Variants in PACRG observed in about 807,000 individuals in gnomAD.
The protein encoded by PACRG is parkin coregulated gene protein.
A neutral mutation model predicts 29.7 loss-of-function variants in PACRG; 29 were observed. The observed-to-expected ratio is 0.98, with a 90% CI of 0.73 to 1.33. The LOEUF is 1.33. Ranked by LOEUF, PACRG falls within the 40% of genes most tolerant of loss-of-function variation. PACRG has a pLI of 0.00. For synonymous variants in PACRG, 116 were observed against 118.7 expected (o/e 0.98, Z 0.15); for missense variants, 279 against 316.2 (o/e 0.88, Z 0.89).
intron 4 of PACRG, among the ~76,000 whole-genome samples, chr6:163,238,900 TTCAACC>T (rs1047868124): frequency 6.6e-6 from 1 of 152,218 alleles, no homozygotes; most frequent in African/African-American, 2.4e-5. Context: ...CATCTCATGC[TTCAACC>T]TCACTTTTGG....
intron 2 of PACRG, among the ~76,000 whole-genome samples, chr6:162,955,953 C>G (rs9346941): frequency 0.58 from 88,796 of 151,928 alleles, 26,119 homozygotes; most frequent in Middle Eastern, 0.72. Context: ...CAGGTGGGAG[C>G]AGCCTGGCGA....
At chr6:163,304,015 C>CAAA (rs59861286) in intron 4 of PACRG, among the ~76,000 whole-genome samples, 1 of 76,248 alleles carries the variant, frequency 1.3e-5, no homozygotes, top group African/African-American at 5.4e-5. Flanking sequence ...GACTCCATTT[C>CAAA]AAAAAAAAAA....
intron 2 of PACRG, chr6:163,053,938 A>C (rs575099952): frequency 6.6e-6 from 1 of 152,338 alleles, no homozygotes; most frequent in Non-Finnish European, 1.5e-5. Flanking sequence ...TTGTGTGCCC[A>C]GCACTCTTCT....
chr6:163,141,194 A>G (rs1010515421), intron 4 of PACRG, among the ~76,000 whole-genome samples: 11 of 152,124 alleles, frequency 7.2e-5, no homozygotes, highest in African/African-American at 2.2e-4. Flanking sequence ...AAAAGCAACT[A>G]CCTAGAATTT....
intron 4 of PACRG, among the ~76,000 whole-genome samples, chr6:163,231,911 G>T (rs911528521): frequency 6.6e-6 from 1 of 152,222 alleles, no homozygotes; most frequent in South Asian, 2.1e-4. Flanking sequence ...AACAAGTCCC[G>T]GCTTCACTCT....
chr6:163,285,934 T>G (rs983548971), intron 4 of PACRG, among the ~76,000 whole-genome samples: 1 of 148,316 alleles, frequency 6.7e-6, no homozygotes, highest in African/African-American at 2.4e-5. Context: ...ACTCCATCCC[T>G]TCATGACAGA....
chr6:163,047,525 C>A (rs1022338446), intron 2 of PACRG, among the ~76,000 whole-genome samples: 1 of 152,074 alleles, frequency 6.6e-6, no homozygotes, highest in Non-Finnish European at 1.5e-5. Flanking sequence ...CTGTTACCGT[C>A]GGGAACATAC....
chr6:163,135,604 C>T (rs890401126), intron 4 of PACRG, among the ~76,000 whole-genome samples: 2 of 152,160 alleles, frequency 1.3e-5, no homozygotes, highest in African/African-American at 4.8e-5. Flanking sequence ...AACAATGATT[C>T]GGGAAATCTT....
intron 4 of PACRG, among the ~76,000 whole-genome samples, chr6:163,144,913 A>G (rs553468154): frequency 3.9e-5 from 6 of 152,202 alleles, no homozygotes; most frequent in Non-Finnish European, 8.8e-5. Flanking sequence ...CACTTTCACA[A>G]TGAAAGACTA....
chr6:162,995,130 A>G (rs1029861300), intron 2 of PACRG, among the ~76,000 whole-genome samples: 1 of 150,632 alleles, frequency 6.6e-6, no homozygotes, highest in African/African-American at 2.5e-5. Flanking sequence ...TGGGAGAACC[A>G]CTGCTCTCTT....
At chr6:162,968,287 A>G (rs1460307735) in intron 2 of PACRG, among the ~76,000 whole-genome samples, 1 of 152,210 alleles carries the variant, frequency 6.6e-6, no homozygotes, top group Non-Finnish European at 1.5e-5. Flanking sequence ...GTTGTTCAAA[A>G]TTCAAGATAT....
intron 4 of PACRG, among the ~76,000 whole-genome samples, chr6:163,231,043 G>T (rs948592930): frequency 6.6e-6 from 1 of 152,164 alleles, no homozygotes; most frequent in African/African-American, 2.4e-5. Context: ...CAAAGGCAAC[G>T]GCTCCTCTGG....
At chr6:162,797,466 G>A (rs1302860493) in intron 1 of PACRG, among the ~76,000 whole-genome samples, 2 of 152,134 alleles carry the variant, frequency 1.3e-5, no homozygotes, top group Non-Finnish European at 2.9e-5. Flanking sequence ...TCTTACAAGT[G>A]ACTTGATAGT....
chr6:163,044,603 G>T (rs2128240246), intron 2 of PACRG: 1 of 152,240 alleles, frequency 6.6e-6, no homozygotes, highest in South Asian at 2.1e-4. Context: ...TATTTACAAA[G>T]GAACTTGAAC....
intron 2 of PACRG, among the ~76,000 whole-genome samples, chr6:162,946,490 AG>A (rs1222847639): frequency 6.6e-6 from 1 of 152,080 alleles, no homozygotes; most frequent in Non-Finnish European, 1.5e-5. Flanking sequence ...AGATTGAAAC[AG>A]TAAAAAAAAG....
chr6:163,111,430 T>C (rs1404360468), intron 4 of PACRG, among the ~76,000 whole-genome samples: 1 of 152,220 alleles, frequency 6.6e-6, no homozygotes, highest in Non-Finnish European at 1.5e-5. Context: ...TAATGAGGCA[T>C]TTATACAAAC....
At chr6:162,992,930 G>A (rs1176762290) in intron 2 of PACRG, among the ~76,000 whole-genome samples, 1 of 151,780 alleles carries the variant, frequency 6.6e-6, no homozygotes, top group Non-Finnish European at 1.5e-5. Context: ...CAGAGATTCT[G>A]GTATGTTGTG....
chr6:163,296,412 A>C (rs1369009010), intron 4 of PACRG, among the ~76,000 whole-genome samples: 9 of 152,098 alleles, frequency 5.9e-5, no homozygotes, highest in Admixed American at 5.2e-4. Flanking sequence ...TCTCTGCCTC[A>C]GCCTCCCGAG....
At chr6:162,841,819 G>T (rs1459725350) in intron 2 of PACRG, among the ~76,000 whole-genome samples, 1 of 152,064 alleles carries the variant, frequency 6.6e-6, no homozygotes, top group African/African-American at 2.4e-5. Context: ...TGGTTTCAAA[G>T]AACATCTTTA....
Sources: gnomAD v4.1 joint callset for allele counts (sites outside exome capture counted in the v4.1 genomes callset) on GRCh38, gnomAD v4.1.1 for gene constraint, MANE v1.5 for transcripts, NCBI Gene and HGNC (gene_info 2026-07-23, HGNC 2026-07-21) for gene names.